Variants in CCDC180 observed in about 807,000 individuals in gnomAD.
CCDC180 encodes coiled-coil domain-containing protein 180.
In CCDC180, 154 loss-of-function variants were observed where a neutral mutation model predicts 209.2. The observed-to-expected ratio is 0.74, with a 90% CI of 0.65 to 0.84. CCDC180 has a LOEUF of 0.84. Among genes scored for constraint, CCDC180 ranks in the 40% least tolerant of loss-of-function variants. The pLI is 0.00. For missense variants in CCDC180, 1,874 were observed against 1,997.3 expected, an observed-to-expected ratio of 0.94 and a Z score of 1.18; for synonymous variants, 778 against 749.1, an observed-to-expected ratio of 1.04 and a Z score of -0.63.
chr9:97,353,082 C>T (rs1218272702), intron 22 of CCDC180, among the ~76,000 whole-genome samples: 2 of 152,056 alleles, frequency 1.3e-5, no homozygotes, highest in African/African-American at 2.4e-5. Context: ...CTGCAACCTC[C>T]ACCTCCTGGG....
chr9:97,340,490 C>T (rs12005236), intron 18 of CCDC180, among the ~76,000 whole-genome samples: 49 of 152,260 alleles, frequency 3.2e-4, no homozygotes, highest in African/African-American at 1.1e-3. Flanking sequence ...TGATTATATA[C>T]GAATATCATT....
chr9:97,307,747 A>T lies in CCDC180; in HGVS notation c.-141A>T. ...ATTCGCGTTCCCAGAGTCCCTTCGG[A>T]TTTGCGCCATGCGCGGCGGGGAGAA... On this transcript the variant is annotated 5_prime_UTR_variant, in exon 1 of 37. Transcript: ENST00000529487. 6.2e-7 allele frequency: 1 copy of T among 1,614,120 alleles called. No individual in the cohort carries two copies. The highest frequency in any genetic ancestry group is 1.1e-5 in the South Asian group (1 of 91,082).
chr9:97,330,098 G>GC, intron 16 of CCDC180, 56 bp from the exon 17 acceptor site: 3 of 1,286,216 alleles, frequency 2.3e-6, no homozygotes, highest in Non-Finnish European at 3.3e-6. Flanking sequence ...AAGGTGGGGG[G>GC]CACTCTGAAG....
chr9:97,375,208 G>A (rs1827215399), intron 35 of CCDC180, among the ~76,000 whole-genome samples: 1 of 152,192 alleles, frequency 6.6e-6, no homozygotes, highest in Non-Finnish European at 1.5e-5. Flanking sequence ...AGCAACTTGA[G>A]CTGTGGCACT....
At position 97,335,157 on chromosome 9, in the gene CCDC180, C is replaced by T. The variant is rs148689867; in HGVS notation, c.2274+4390C>T. ...CTTTTGCTCTATTAAAAACTCTTTC[C>T]CATTTCTTCTTTTTTTATTTTAAAA... On this transcript the variant is annotated intron_variant, in intron 18 of 36. Coordinates refer to ENST00000529487, the MANE Select transcript of CCDC180 (RefSeq NM_020893.6). 7.9e-5 allele frequency among the ~76,000 whole-genome samples: 12 copies of T among 151,936 alleles called. No homozygotes were observed. The East Asian group carries it at 2.3e-3, about 29-fold the overall frequency.
At position 97,377,438 on chromosome 9, in the gene CCDC180, C is replaced by A. The variant is rs888635493; in HGVS notation, c.*544C>A. 1 of 152,414 alleles carries A rather than the reference C, an allele frequency of 6.6e-6. No homozygotes were observed. The highest frequency in any genetic ancestry group is 2.4e-5 in the African/African-American group (1 of 41,412). 9.4% of individuals were successfully genotyped at this position (152,414 alleles called of 1,614,324 possible). ...TTAGTCCTGTGTTGCCCAGATCATT[C>A]TCTTGGAGTCCTCCAGCCTGCCAGT... On this transcript the variant is annotated 3_prime_UTR_variant, in exon 37 of 37. Coordinates refer to ENST00000529487, the MANE Select transcript of CCDC180 (RefSeq NM_020893.6).
In CCDC180 at chr9:97,322,854, T is replaced by A; in HGVS notation, c.1181T>A (p.Met394Lys). The A allele has an allele frequency of 6.2e-7, 1 of 1,614,130 alleles. No homozygotes were observed. Among genetic ancestry groups the A allele is most frequent in the Non-Finnish European group, 8.5e-7 (1 of 1,180,026 alleles). ...KELDTYHVDC[M>K]MRIRLLYEKT... The stretch of plus-strand genomic sequence containing the variant: ...GGAGACACCTACCACGTGGACTGCA[T>A]GATGCGGATCCGCCTGCTGTATGAG... Residue 394 changes from methionine to lysine, a missense_variant, in exon 12 of 37, where the codon ATG becomes AAG. Met to Lys is a moderately conservative substitution (Grantham distance 95). Coordinates refer to ENST00000529487, the MANE Select transcript of CCDC180 (RefSeq NM_020893.6).
At position 97,320,412 on chromosome 9, in the gene CCDC180, C is replaced by T. The variant is rs137969320; in HGVS notation, c.1159+207C>T. ...GTGCCCAGCCTGCAGCTACACTAGC[C>T]GCACCCTATGACCCCTGACCCCTGA... On this transcript the variant is annotated intron_variant, in intron 11 of 36. Coordinates refer to ENST00000529487, the MANE Select transcript of CCDC180 (RefSeq NM_020893.6). 1.9e-3 allele frequency among the ~76,000 whole-genome samples: 284 copies of T among 152,252 alleles called. 1 individual carries two copies. Among genetic ancestry groups the T allele is most frequent in the African/African-American group, 5.7e-3 (237 of 41,534 alleles).
At chr9:97,314,112 G>A (rs945978121) in intron 5 of CCDC180, among the ~76,000 whole-genome samples, 6 of 152,226 alleles carry the variant, frequency 3.9e-5, no homozygotes, top group African/African-American at 7.2e-5. Context: ...ATTTGGCCAC[G>A]TCTTTAATGA....
intron 2 of CCDC180, among the ~76,000 whole-genome samples, chr9:97,309,080 C>T (rs1832895641): frequency 6.6e-6 from 1 of 152,194 alleles, no homozygotes; most frequent in African/African-American, 2.4e-5. Context: ...GCCTAACATT[C>T]CATCAAACAG....
chr9:97,368,623 C>T (rs573356518), intron 31 of CCDC180, among the ~76,000 whole-genome samples: 22 of 152,336 alleles, frequency 1.4e-4, no homozygotes, highest in Middle Eastern at 6.8e-3. Context: ...AGATAATTCA[C>T]ACTTATCTAA....
intron 24 of CCDC180, among the ~76,000 whole-genome samples, chr9:97,355,267 G>T (rs1467359074): frequency 6.6e-6 from 1 of 152,034 alleles, no homozygotes; most frequent in African/African-American, 2.4e-5. Flanking sequence ...AGATCCTCCA[G>T]CCTCAGTCCC....
chr9:97,316,922 C>G, intron 8 of CCDC180, 143 bp from the exon 9 acceptor site: 1 of 703,894 alleles, frequency 1.4e-6, no homozygotes, highest in South Asian at 2.1e-5. Flanking sequence ...CCCTCAGTCC[C>G]CTTCAGGCCC....
intron 16 of CCDC180, among the ~76,000 whole-genome samples, chr9:97,328,936 T>C (rs1825645962): frequency 6.6e-6 from 1 of 152,230 alleles, no homozygotes. Context: ...AAATGCTCTC[T>C]GGGTAAATGC....
At chr9:97,357,132 C>T (rs527333064) in intron 24 of CCDC180, among the ~76,000 whole-genome samples, 4 of 152,380 alleles carry the variant, frequency 2.6e-5, no homozygotes, top group African/African-American at 9.6e-5. Context: ...AGTCTGACTG[C>T]ATCCTTCGGA....
At chr9:97,321,530 G>A (rs1450869941) in intron 11 of CCDC180, among the ~76,000 whole-genome samples, 2 of 152,142 alleles carry the variant, frequency 1.3e-5, no homozygotes, top group East Asian at 3.8e-4. Context: ...TTGCTTCTAG[G>A]GCTCTCAGGT....
chr9:97,363,782 G>A, intron 28 of CCDC180: 1 of 551,206 alleles, frequency 1.8e-6, no homozygotes, highest in Non-Finnish European at 3.5e-6. Flanking sequence ...GCAAATTTCT[G>A]GGCCTGAGCA....
intron 33 of CCDC180, chr9:97,371,107 G>A (rs912582267): frequency 1.6e-4 from 27 of 173,896 alleles, no homozygotes; most frequent in Non-Finnish European, 2.9e-4. Flanking sequence ...GGGACTACAG[G>A]CGCCCGCCAC....
rs1233267382 is a variant in CCDC180 at position 97,378,368 on chromosome 9, C to A, written c.*1474C>A. ...ACCCTATGCCATATCCTTCAGTATT[C>A]ATTTACATCATTGGTTTTCATACTT... On this transcript the variant is annotated 3_prime_UTR_variant, in exon 37 of 37. Coordinates refer to ENST00000529487, the MANE Select transcript of CCDC180 (RefSeq NM_020893.6). 3 of 152,188 alleles carry A rather than the reference C, an allele frequency of 2.0e-5. No individual in the cohort carries two copies. Among genetic ancestry groups the A allele is most frequent in the Non-Finnish European group, 4.4e-5 (3 of 68,032 alleles). The allele number at this position is 152,188 out of a possible 1,614,324, so 9.4% of individuals were successfully genotyped here.
Sources: gnomAD v4.1 joint callset for allele counts (sites outside exome capture counted in the v4.1 genomes callset) on GRCh38, gnomAD v4.1.1 for gene constraint, MANE v1.5 for transcripts, NCBI Gene and HGNC (gene_info 2026-07-23, HGNC 2026-07-21) for gene names.